ANKRD36C: variants seen among roughly 807,000 people sequenced by gnomAD.
The protein encoded by ANKRD36C is ankyrin repeat domain 36C.
ANKRD36C carries 61 observed loss-of-function variants against 276.4 expected under a neutral mutation model. The ratio of observed to expected loss-of-function variants is 0.22; its 90% CI spans 0.18 to 0.27. The LOEUF (loss-of-function observed/expected upper bound fraction) is 0.27, where lower values mean the gene tolerates loss of function less well. Among genes scored for constraint, ANKRD36C ranks in the 10% least tolerant of loss-of-function variants. ANKRD36C has a pLI of 1.00. For synonymous variants in ANKRD36C, 483 were observed against 680.1 expected, an observed-to-expected ratio of 0.71 and a Z score of 4.51; for missense variants, 1,447 against 2,032.3, an observed-to-expected ratio of 0.71 and a Z score of 5.54.
chr2:95,888,108 T>C, exon 49 of ANKRD36C: 4 of 1,609,152 alleles, frequency 2.5e-6, no homozygotes, highest in Non-Finnish European at 3.4e-6. Flanking sequence ...GGCTGGTTGT[T>C]TCTGAGAAGA....
intron 59 of ANKRD36C, among the ~76,000 whole-genome samples, chr2:95,874,297 AC>A (rs1675888577): frequency 6.6e-6 from 1 of 152,222 alleles, no homozygotes; most frequent in Admixed American, 6.5e-5. Context: ...GGCTACAGTA[AC>A]CAAAACAGCA....
intron 60 of ANKRD36C, among the ~76,000 whole-genome samples, chr2:95,860,626 C>T (rs1361087746): frequency 5.3e-5 from 8 of 152,154 alleles, no homozygotes; most frequent in Non-Finnish European, 1.2e-4. Flanking sequence ...GGACTTCAGG[C>T]AATGAAGATG....
At chr2:95,919,559 A>G (rs1412700285) in intron 34 of ANKRD36C, among the ~76,000 whole-genome samples, 174 bp downstream of exon 36, 2 of 132,344 alleles carry the variant, frequency 1.5e-5, no homozygotes, top group African/African-American at 5.2e-5. Context: ...GTTCCAGGCC[A>G]ACAGCATTAG....
intron 6 of ANKRD36C, among the ~76,000 whole-genome samples, chr2:95,963,972 AAT>A (rs1160108122): frequency 0.016 from 786 of 48,884 alleles, 4 homozygotes; most frequent in East Asian, 0.037. Flanking sequence ...TATATATATA[AAT>A]ATATATATAT....
intron 38 of ANKRD36C, 51 bp from the exon 41 acceptor site, chr2:95,914,354 T>C: frequency 3.3e-6 from 5 of 1,533,292 alleles, no homozygotes; most frequent in Non-Finnish European, 4.4e-6. Flanking sequence ...ATGACAAAAT[T>C]ATCCATACAT....
intron 6 of ANKRD36C, among the ~76,000 whole-genome samples, chr2:95,975,772 C>T (rs546381733): frequency 2.6e-4 from 39 of 152,312 alleles, no homozygotes; most frequent in Non-Finnish European, 4.6e-4. Context: ...CCAAATATGA[C>T]ACATGGGATC....
chr2:95,869,871 G>C (rs978572506), intron 59 of ANKRD36C, among the ~76,000 whole-genome samples: 5 of 152,256 alleles, frequency 3.3e-5, no homozygotes, highest in African/African-American at 1.2e-4. Flanking sequence ...TCCTGCACCT[G>C]GCTCAGAGGG....
At chr2:95,977,040 T>G (rs1487892011) in intron 6 of ANKRD36C, among the ~76,000 whole-genome samples, 1 of 151,738 alleles carries the variant, frequency 6.6e-6, no homozygotes, top group Non-Finnish European at 1.5e-5. Context: ...TTGAGATCGA[T>G]GACTTTGCCT....
chr2:95,914,027 G>A lies in ANKRD36C; in HGVS notation c.2551+81C>T, dbSNP rs531557161. The A allele has an allele frequency of 1.3e-5, 18 of 1,365,520 alleles. No homozygotes were observed. The African/African-American group carries it at 1.6e-4, about 12-fold the overall frequency. The allele number at this position is 1,365,520 out of a possible 1,614,324, so 84.6% of individuals were successfully genotyped here. ...GTATCAGAATGTGCAGCTTCAACGA[G>A]CCCCCCGCTGATTTCTTCAGGGAAG... On this transcript the variant is annotated intron_variant, in intron 40 of 66. Transcript: ENST00000456556.
chr2:95,911,736 C>G (rs1051568452), intron 42 of ANKRD36C, among the ~76,000 whole-genome samples: 9 of 151,438 alleles, frequency 5.9e-5, no homozygotes, highest in Non-Finnish European at 8.9e-5. Context: ...TCCGCAGTAA[C>G]CCCAAAATTA....
At chr2:95,927,513 A>T in intron 26 of ANKRD36C, 104 bp from the exon 27 acceptor site, 1 of 1,535,646 alleles carries the variant, frequency 6.5e-7, no homozygotes, top group Non-Finnish European at 8.7e-7. Flanking sequence ...TGCCTGTACT[A>T]GTGTAGGCTT....
At chr2:95,857,144 A>G (rs1448882119) in intron 62 of ANKRD36C, among the ~76,000 whole-genome samples, 165 bp downstream of exon 82, 2 of 152,142 alleles carry the variant, frequency 1.3e-5, no homozygotes, top group Admixed American at 1.3e-4. Context: ...AAATATTTCA[A>G]GATTTATTAT....
intron 32 of ANKRD36C, 39 bp from the exon 33 acceptor site, chr2:95,921,849 G>C: frequency 6.4e-7 from 1 of 1,572,232 alleles, no homozygotes; most frequent in Non-Finnish European, 8.6e-7. Flanking sequence ...ATGTAAATAT[G>C]ATACATTTTC....
chr2:95,927,835 T>G (rs1677451320), intron 26 of ANKRD36C, among the ~76,000 whole-genome samples: 2 of 151,626 alleles, frequency 1.3e-5, no homozygotes, highest in African/African-American at 4.8e-5. Context: ...CCCTTTAACT[T>G]GCCCAATAAC....
At chr2:95,853,442 G>A (rs990521114) in intron 64 of ANKRD36C, 3 of 246,712 alleles carry the variant, frequency 1.2e-5, no homozygotes, top group South Asian at 8.1e-5. Flanking sequence ...CTTTCCTAAG[G>A]TTAAATATTT....
chr2:95,916,057 A>T lies in ANKRD36C; in HGVS notation c.2377-5T>A, dbSNP rs199751965. 6.3e-7 allele frequency: 1 copy of T among 1,586,564 alleles called. No individual in the cohort carries two copies. Among genetic ancestry groups the T allele is most frequent in the South Asian group, 1.1e-5 (1 of 88,780 alleles). ...ATCTTTCTCATCACTTGTAGCCTGA[A>T]TGGAATTTGAAACAAAATAATAAAT... On this transcript the variant is annotated splice_region_variant and splice_polypyrimidine_tract_variant and intron_variant, in intron 37 of 66. Coordinates refer to ENST00000456556, the Ensembl canonical transcript of ANKRD36C.
intron 58 of ANKRD36C, among the ~76,000 whole-genome samples, chr2:95,876,853 CAAAAAAA>C (rs61043155): frequency 2.0e-4 from 17 of 84,164 alleles, no homozygotes; most frequent in East Asian, 1.1e-3. Context: ...GACTGTGTCT[CAAAAAAA>C]AAAAAAAAAA....
At chr2:95,964,395 G>C (rs1211556441) in intron 6 of ANKRD36C, among the ~76,000 whole-genome samples, 1 of 151,712 alleles carries the variant, frequency 6.6e-6, no homozygotes, top group African/African-American at 2.4e-5. Context: ...TGCTTTCTTT[G>C]TTCTGCCCAA....
intron 20 of ANKRD36C, among the ~76,000 whole-genome samples, chr2:95,940,361 T>C (rs1426254458): frequency 2.0e-5 from 3 of 152,214 alleles, no homozygotes; most frequent in African/African-American, 7.2e-5. Flanking sequence ...CCATGATTAT[T>C]GACAGTTACA....
Sources: allele counts gnomAD v4.1 joint callset (sites outside exome capture counted in the v4.1 genomes callset), GRCh38; gene constraint gnomAD v4.1.1; transcripts MANE v1.5; gene names NCBI Gene and HGNC (gene_info 2026-07-23, HGNC 2026-07-21).